Variants in CELSR1 observed in about 807,000 individuals in gnomAD.
CELSR1 encodes the protein adhesion G protein-coupled receptor C1.
In CELSR1, 110 loss-of-function variants were observed where a neutral mutation model predicts 249.1. The observed-to-expected ratio is 0.44, with a 90% CI of 0.38 to 0.52. CELSR1 has a LOEUF of 0.52. CELSR1 is among the 20% of genes least tolerant of loss of function. The pLI is 0.00. For missense variants in CELSR1, 4,109 were observed against 4,296.4 expected (o/e 0.96, Z 1.22); for synonymous variants, 2,113 against 1,900.0 (o/e 1.11, Z -2.92).
At chr22:46,524,878 C>T (rs1194510557) in intron 1 of CELSR1, among the ~76,000 whole-genome samples, 1 of 152,164 alleles carries the variant, frequency 6.6e-6, no homozygotes, top group East Asian at 1.9e-4. Context: ...TGCTTCTGCG[C>T]AGCTCCCCTT....
Position 46,410,258 on chromosome 22 carries a change from G to A in CELSR1, c.4933+140C>T. ...GCCTGGACTCCGGGTTCCATCCCAG[G>A]AGCTGCCCACCGCTGGACACATACA... On this transcript the variant is annotated intron_variant, in intron 7 of 34. Coordinates refer to ENST00000674500, the MANE Select transcript of CELSR1 (RefSeq NM_001378328.1). The surrounding 1 kb of genome is among the most constrained non-coding windows in gnomAD (Gnocchi z 6.8). 9.5e-7 allele frequency: 1 copy of A among 1,056,520 alleles called. No individual in the cohort carries two copies. Among genetic ancestry groups the A allele is most frequent in the Non-Finnish European group, 1.4e-6 (1 of 731,900 alleles). The allele number at this position is 1,056,520 out of a possible 1,614,324, so 65.4% of individuals were successfully genotyped here.
At chr22:46,532,147 T>C (rs1274950390) in intron 1 of CELSR1, among the ~76,000 whole-genome samples, 2 of 152,260 alleles carry the variant, frequency 1.3e-5, no homozygotes, top group Non-Finnish European at 2.9e-5. Context: ...GCCCCCAGCA[T>C]GGATCTGTTC....
Position 46,384,463 on chromosome 22 carries a change from T to C in CELSR1, c.6883+80A>G, listed in dbSNP as rs1415544059. ...GCCCAGATCTTCAGTGCGCAGGTCC[T>C]GCGATGCCCGCAGCGGGGCCCTCCC... On this transcript the variant is annotated intron_variant, in intron 20 of 34. Transcript: ENST00000674500. 4 of 1,468,866 alleles carry C rather than the reference T, an allele frequency of 2.7e-6. No homozygotes were observed. The Admixed American group carries it at 7.2e-5, about 26-fold the overall frequency. 91.0% of individuals were successfully genotyped at this position (1,468,866 alleles called of 1,614,324 possible). A position where few individuals can be genotyped will look rare whatever the true frequency, so the allele number is the denominator to read the frequency against.
Position 46,428,716 on chromosome 22 carries a change from C to T in CELSR1, c.4611+4677G>A, listed in dbSNP as rs1186195690. Among the ~76,000 whole-genome samples the T allele has an allele frequency of 2.0e-5, 3 of 152,324 alleles. No individual in the cohort carries two copies. The highest frequency in any genetic ancestry group is 7.2e-5 in the African/African-American group (3 of 41,574). On this transcript the variant is annotated intron_variant, in intron 5 of 34. Coordinates refer to ENST00000674500, the MANE Select transcript of CELSR1 (RefSeq NM_001378328.1). The surrounding 1 kb of genome is among the most constrained non-coding windows in gnomAD (Gnocchi z 5.7). ...GGGAAATCCTGACGCGGCTGCTCACCGCCTCCCACATCTGCTTCATGCGGG... is the reference window on the plus strand; with the variant it reads ...GGGAAATCCTGACGCGGCTGCTCACTGCCTCCCACATCTGCTTCATGCGGG...
chr22:46,380,683 A>C lies in CELSR1; in HGVS notation c.7256+105T>G, dbSNP rs1020602821. The C allele has an allele frequency of 1.3e-5, 17 of 1,344,338 alleles. No homozygotes were observed. The South Asian group carries it at 2.1e-4, about 17-fold the overall frequency. The allele number at this position is 1,344,338 out of a possible 1,614,324, so 83.3% of individuals were successfully genotyped here. A position where few individuals can be genotyped will look rare whatever the true frequency, so the allele number is the denominator to read the frequency against. On this transcript the variant is annotated intron_variant, in intron 22 of 34. Transcript: ENST00000674500. The surrounding 1 kb of genome is among the most constrained non-coding windows in gnomAD (Gnocchi z 5.1). ...GGGACTTAAAGGGGAAACACAGACC[A>C]CAAGAGACCGTCCTCTTGGGGCGCT...
Position 46,410,419 on chromosome 22 carries a change from C to T in CELSR1, c.4912G>A (p.Ala1638Thr), listed in dbSNP as rs531556086. Residue 1638 changes from alanine to threonine, a missense_variant, in exon 7 of 35, where the codon GCC (alanine) becomes ACC (threonine). Physicochemically the swap from Ala to Thr is moderately conservative, Grantham distance 58. This residue lies in a region of CELSR1 where 453 missense variants were observed against 492.0 expected (regional missense o/e 0.92). Transcript: ENST00000674500. The surrounding 1 kb of genome is among the most constrained non-coding windows in gnomAD (Gnocchi z 6.8). ...GTACCTTCCCGGGTGCCATTGTTGG[C>T]GATGAATCCGGCCATGTCCACATTT... ...GKNVDMAGFI[A>T]NNGTREGCAA... The T allele has an allele frequency of 6.8e-6, 11 of 1,613,784 alleles. No homozygotes were observed. Among genetic ancestry groups the T allele is most frequent in the Admixed American group, 3.3e-5 (2 of 60,016 alleles).
Position 46,391,608 on chromosome 22 carries a change from C to A in CELSR1, c.6148+25G>T. The A allele has an allele frequency of 6.4e-7, 1 of 1,566,386 alleles. No individual in the cohort carries two copies. Among genetic ancestry groups the A allele is most frequent in the Non-Finnish European group, 8.6e-7 (1 of 1,162,828 alleles). On this transcript the variant is annotated intron_variant, in intron 15 of 34. Coordinates refer to ENST00000674500, the MANE Select transcript of CELSR1 (RefSeq NM_001378328.1). The surrounding 1 kb of genome is among the most constrained non-coding windows in gnomAD (Gnocchi z 4.3). ...CAGCCTGTCCCCGCGCTGTAACCTG[C>A]AGGGTGTCGAGGGGCAACGCGGACC...
At chr22:46,467,968 T>C (rs1282075914) in intron 1 of CELSR1, among the ~76,000 whole-genome samples, 1 of 152,136 alleles carries the variant, frequency 6.6e-6, no homozygotes, top group African/African-American at 2.4e-5. Context: ...CATGTACCGT[T>C]TGGGTTGCTA....
chr22:46,443,139 A>G (rs1311043133), intron 2 of CELSR1, among the ~76,000 whole-genome samples: 1 of 152,140 alleles, frequency 6.6e-6, no homozygotes, highest in African/African-American at 2.4e-5. Flanking sequence ...GGCTAAGCCA[A>G]GGTGACTCCA....
At position 46,402,925 on chromosome 22, in the gene CELSR1, C is replaced by T. The variant is rs183956286; in HGVS notation, c.5227-3023G>A. On this transcript the variant is annotated intron_variant, in intron 9 of 34. Transcript: ENST00000674500. This position sits in a 1 kb window ranked among gnomAD's most constrained non-coding sequence, Gnocchi z 5.0. ...ATATTATACCTGAAATATAAGGATACAGAAAATGTTGAAAGTAAAAGGATA... is the reference window on the plus strand; with the variant it reads ...ATATTATACCTGAAATATAAGGATATAGAAAATGTTGAAAGTAAAAGGATA... Among the ~76,000 whole-genome samples the T allele has an allele frequency of 4.6e-5, 7 of 152,114 alleles. No individual in the cohort carries two copies. In the East Asian group the frequency reaches 1.4e-3, roughly 29 times the overall value.
chr22:46,385,703 A>T (rs1370056067), intron 19 of CELSR1, among the ~76,000 whole-genome samples: 3 of 130,328 alleles, frequency 2.3e-5, no homozygotes, highest in African/African-American at 8.9e-5. Context: ...TTTGAGACGG[A>T]GTCTGGCTCT....
At position 46,447,937 on chromosome 22, in the gene CELSR1, G is replaced by T. The variant is rs185430341; in HGVS notation, c.4184-8526C>A. 1.5e-3 allele frequency among the ~76,000 whole-genome samples: 225 copies of T among 152,278 alleles called. No homozygotes were observed. Among genetic ancestry groups the T allele is most frequent in the African/African-American group, 5.1e-3 (210 of 41,554 alleles). On this transcript the variant is annotated intron_variant, in intron 2 of 34. Transcript: ENST00000674500. This position sits in a 1 kb window ranked among gnomAD's most constrained non-coding sequence, Gnocchi z 4.7. ...ACCCGGCCAGAAAAGCATTCTTAAC[G>T]GCAAAAGAAAAGCTCCCAGGAGCCA...
At chr22:46,387,514 G>A (rs539041957) in intron 18 of CELSR1, among the ~76,000 whole-genome samples, 4 of 151,764 alleles carry the variant, frequency 2.6e-5, no homozygotes, top group South Asian at 4.2e-4. Context: ...CCACCACCCC[G>A]CCCAGCTGAT....
At position 46,534,123 on chromosome 22, in the gene CELSR1, C is replaced by T. The variant is rs199661410; in HGVS notation, c.3048G>A (p.Ser1016=). 10 of 1,613,806 alleles carry T rather than the reference C, an allele frequency of 6.2e-6. No homozygotes were observed. The highest frequency in any genetic ancestry group is 1.6e-4 in the Middle Eastern group (1 of 6,062). Residue 1016 remains serine (S), a synonymous_variant, in exon 1 of 35, where the codon TCG becomes TCA. Coordinates refer to ENST00000674500, the MANE Select transcript of CELSR1 (RefSeq NM_001378328.1). This position sits in a 1 kb window ranked among gnomAD's most constrained non-coding sequence, Gnocchi z 9.7. ...LFVEENNPVG[S]VVAKIRANDP... is the part of the protein sequence containing the mutation. ...CGTTAGCACGAATCTTTGCCACCAC[C>T]GACCCCACTGGGTTGTTCTCCTCAA...
Position 46,439,239 on chromosome 22 carries a change from G to A in CELSR1, c.4356C>T (p.Phe1452=), listed in dbSNP as rs374035466. ...GCTGTCTCAGGCCCCGGAAGGTGACGAAGGACTGGGGCGGGAAGCTCCTGG... is the reference window on the plus strand; with the variant it reads ...GCTGTCTCAGGCCCCGGAAGGTGACAAAGGACTGGGGCGGGAAGCTCCTGG... The part of the protein sequence containing the change: ...VTTRSFPPQS[F]VTFRGLRQRF... The change falls in exon 3 of 35, where the codon TTC becomes TTT. Residue 1452 remains phenylalanine (F), a synonymous_variant. Transcript: ENST00000674500. 7.6e-5 allele frequency: 123 copies of A among 1,613,958 alleles called. 1 individual carries two copies. The Admixed American group carries it at 1.4e-3, about 18-fold the overall frequency.
At chr22:46,443,716 C>T (rs1253335117) in intron 2 of CELSR1, among the ~76,000 whole-genome samples, 5 of 152,206 alleles carry the variant, frequency 3.3e-5, no homozygotes, top group Admixed American at 6.5e-5. Flanking sequence ...CACCTCACAT[C>T]CTGTCACACA....
At chr22:46,383,628 G>A in intron 20 of CELSR1, among the ~76,000 whole-genome samples, 1 of 152,310 alleles carries the variant, frequency 6.6e-6, no homozygotes, top group African/African-American at 2.4e-5. Context: ...CCGGACTCAA[G>A]CAATCCTCCC....
intron 2 of CELSR1, among the ~76,000 whole-genome samples, chr22:46,444,468 G>C (rs527543672): frequency 2.0e-5 from 3 of 152,196 alleles, no homozygotes; most frequent in Non-Finnish European, 4.4e-5. Context: ...GCTAATGCCC[G>C]TGAGAGCACA....
At chr22:46,461,269 C>T (rs972315991) in intron 2 of CELSR1, among the ~76,000 whole-genome samples, 1 of 152,232 alleles carries the variant, frequency 6.6e-6, no homozygotes, top group South Asian at 2.1e-4. Flanking sequence ...AAATTAGTCT[C>T]ATGCCAATCA....
Sources: allele counts gnomAD v4.1 joint callset (sites outside exome capture counted in the v4.1 genomes callset), GRCh38; gene constraint gnomAD v4.1.1; regional missense constraint gnomAD v4.1.1; non-coding constraint Gnocchi (gnomAD v3.1); transcripts MANE v1.5; gene names NCBI Gene and HGNC (gene_info 2026-07-23, HGNC 2026-07-21).